Variants in PDE6A observed in about 807,000 individuals in gnomAD.
PDE6A encodes the protein rod cGMP-specific 3',5'-cyclic phosphodiesterase subunit alpha.
A neutral mutation model predicts 106.3 loss-of-function variants in PDE6A; 84 were observed. The observed-to-expected ratio is 0.79, with a 90% CI of 0.66 to 0.95. The LOEUF (loss-of-function observed/expected upper bound fraction) is 0.95, where lower values mean the gene tolerates loss of function less well. PDE6A is among the 40% of genes least tolerant of loss of function. PDE6A has a pLI of 0.00. For missense variants in PDE6A, 1,052 were observed against 1,084.9 expected (o/e 0.97, Z 0.43); for synonymous variants, 394 against 386.6 (o/e 1.02, Z -0.23).
chr5:149,914,934 G>C lies in PDE6A; in HGVS notation c.998+9C>G. On this transcript the variant is annotated intron_variant, in intron 6 of 21. Coordinates refer to ENST00000255266, the MANE Select transcript of PDE6A (RefSeq NM_000440.3). The stretch of plus-strand genomic sequence containing the variant: ...GTTGTCATTTTGTCTTTTGACAGGT[G>C]AAACTTACGGGATGACTTTGATGTC... 6.3e-7 allele frequency: 1 copy of C among 1,593,082 alleles called. No individual in the cohort carries two copies.
At chr5:149,903,753 G>T in intron 7 of PDE6A, 58 bp from the exon 8 acceptor site, 2 of 1,291,042 alleles carry the variant, frequency 1.5e-6, no homozygotes, top group Non-Finnish European at 2.3e-6. Flanking sequence ...GGTGCCCAGT[G>T]AAGCACTGTA....
Position 149,860,896 on chromosome 5 carries a change from T to C in PDE6A, c.2582A>G (p.Ter861=). The change falls in exon 22 of 22, where the codon TAA becomes TGA. Residue 861 remains the stop codon, a stop_retained_variant. Transcript: ENST00000255266. ...CCAGCCAGCACATCCCCAGTGGTGT[T>C]ACTGGATGCAGCAGGACTTGGATGT... The part of the protein sequence containing the change: ...ATTSKSCCIQ[*] 6.2e-7 allele frequency: 1 copy of C among 1,613,276 alleles called. No individual in the cohort carries two copies. Among genetic ancestry groups the C allele is most frequent in the Non-Finnish European group, 8.5e-7 (1 of 1,179,194 alleles).
intron 17 of PDE6A, among the ~76,000 whole-genome samples, chr5:149,870,861 GAGAA>G (rs1298237063): frequency 6.3e-5 from 8 of 126,922 alleles, no homozygotes; most frequent in East Asian, 6.3e-4. Context: ...AAGAAAGAAA[GAGAA>G]AGAGAAAGAA....
intron 4 of PDE6A, among the ~76,000 whole-genome samples, chr5:149,923,547 ACATAACATAACATAACATAACATAACAT>A (rs1484725000): frequency 3.0e-5 from 4 of 135,116 alleles, no homozygotes; most frequent in African/African-American, 1.3e-4. Context: ...ACATAACATA[ACATAACATAACATAACATAACATAACAT>A]AACAAACAAC....
chr5:149,939,766 T>C (rs1004044616), intron 1 of PDE6A, among the ~76,000 whole-genome samples: 1 of 152,150 alleles, frequency 6.6e-6, no homozygotes, highest in Admixed American at 6.5e-5. Context: ...CACATCCAGA[T>C]CTCACCTTAA....
rs1412232499 is a variant in PDE6A, at chr5:149,884,581, T to A, written c.1927-2A>T. 6.2e-7 allele frequency: 1 copy of A among 1,611,812 alleles called. No individual in the cohort carries two copies. Among genetic ancestry groups the A allele is most frequent in the Non-Finnish European group, 8.5e-7 (1 of 1,178,094 alleles). Reference sequence around the variant, plus strand: ...GAGGTTTTGAAAGATATTCAGGCTCTAAAGAAAAAAAGAGAAGCGAGATGG... The same window carrying A: ...GAGGTTTTGAAAGATATTCAGGCTCAAAAGAAAAAAAGAGAAGCGAGATGG... On this transcript the variant is annotated splice_acceptor_variant, in intron 15 of 21. Transcript: ENST00000255266. LOFTEE classifies it high-confidence loss of function.
intron 20 of PDE6A, among the ~76,000 whole-genome samples, chr5:149,865,239 CAAA>C (rs368494356): frequency 0.012 from 1,226 of 105,542 alleles, 17 homozygotes; most frequent in African/African-American, 0.04. Context: ...GATTCTGTCT[CAAA>C]AAAAAAAAAA....
intron 8 of PDE6A, among the ~76,000 whole-genome samples, chr5:149,901,175 C>G (rs903348527): frequency 6.6e-6 from 1 of 152,106 alleles, no homozygotes; most frequent in Non-Finnish European, 1.5e-5. Context: ...CTCGGTCTCT[C>G]AAAGTGTTGG....
intron 5 of PDE6A, among the ~76,000 whole-genome samples, chr5:149,917,888 G>C (rs1477562527): frequency 6.6e-6 from 1 of 152,150 alleles, no homozygotes; most frequent in African/African-American, 2.4e-5. Context: ...TGTCCTAATG[G>C]AATCAGGGCC....
At chr5:149,904,940 G>A (rs969267542) in intron 7 of PDE6A, among the ~76,000 whole-genome samples, 2 of 151,886 alleles carry the variant, frequency 1.3e-5, no homozygotes, top group African/African-American at 2.4e-5. Flanking sequence ...TTACCTTCTC[G>A]TTACCCATCC....
chr5:149,920,942 A>AAAGAAAGAAAG (rs1554091210), intron 5 of PDE6A, among the ~76,000 whole-genome samples: 33 of 108,350 alleles, frequency 3.0e-4, no homozygotes, highest in Middle Eastern at 4.0e-3. Flanking sequence ...GAAAGAGAGA[A>AAAGAAAGAAAG]AAAGAAAGAA....
chr5:149,932,229 G>A (rs558305726), intron 3 of PDE6A: 1 of 1,378,646 alleles, frequency 7.3e-7, no homozygotes, highest in African/African-American at 1.4e-5. Context: ...GCCATAAAGA[G>A]AATCATTTCT....
chr5:149,889,588 G>A (rs1462537242), intron 13 of PDE6A, among the ~76,000 whole-genome samples: 4 of 151,928 alleles, frequency 2.6e-5, no homozygotes, highest in Non-Finnish European at 2.9e-5. Context: ...GACTACTGGC[G>A]CATGCCACCA....
chr5:149,889,043 C>G (rs1214353471), intron 13 of PDE6A, among the ~76,000 whole-genome samples: 1 of 133,218 alleles, frequency 7.5e-6, no homozygotes, highest in Admixed American at 8.2e-5. Flanking sequence ...AGATGTGCCA[C>G]TGCACTCCAG....
At chr5:149,938,152 AG>A (rs368243425) in intron 1 of PDE6A, among the ~76,000 whole-genome samples, 4 of 152,342 alleles carry the variant, frequency 2.6e-5, no homozygotes, top group African/African-American at 9.6e-5. Context: ...CCAGATAAGG[AG>A]AAACTTGTCC....
intron 5 of PDE6A, among the ~76,000 whole-genome samples, chr5:149,917,887 G>T (rs1189163322): frequency 6.6e-6 from 1 of 152,146 alleles, no homozygotes; most frequent in Non-Finnish European, 1.5e-5. Context: ...CTGTCCTAAT[G>T]GAATCAGGGC....
chr5:149,860,952 C>CG lies in PDE6A; in HGVS notation c.2525dup (p.Asn845LysfsTer57). The CG allele has an allele frequency of 6.2e-7, 1 of 1,614,116 alleles. No individual in the cohort carries two copies. Among genetic ancestry groups the CG allele is most frequent in the South Asian group, 1.1e-5 (1 of 91,054 alleles). ...CACCCCCTGGGCTGGGGTTTCCCCC[C>CG]GGCTGATTTCCTGCGGCTGCTGCAA... On this transcript the variant is annotated frameshift_variant, in exon 22 of 22. Coordinates refer to ENST00000255266, the MANE Select transcript of PDE6A (RefSeq NM_000440.3). LOFTEE classifies it high-confidence loss of function.
rs1383907349 is a variant in PDE6A, at chr5:149,896,354, A to T, written c.1620+2T>A. On this transcript the variant is annotated splice_donor_variant, in intron 12 of 21. Coordinates refer to ENST00000255266, the MANE Select transcript of PDE6A (RefSeq NM_000440.3). LOFTEE classifies it high-confidence loss of function. ...AATCATATATATTTGTTTTGACCTC[A>T]CCTCTTGTGGAATGTGAAATTTATC... The T allele has an allele frequency of 1.2e-6, 2 of 1,611,280 alleles. No homozygotes were observed. The highest frequency in any genetic ancestry group is 1.3e-5 in the African/African-American group (1 of 74,852).
chr5:149,898,830 A>C lies in PDE6A; in HGVS notation c.1264-324T>G, dbSNP rs1000412122. ...TTGCTCAATTTTGCTAAGAACCTAA[A>C]ACTACTCTAAAAAGTAAAGTTTGTT... is the stretch of plus-strand genomic sequence containing the variant. On this transcript the variant is annotated intron_variant, in intron 9 of 21. Coordinates refer to ENST00000255266, the MANE Select transcript of PDE6A (RefSeq NM_000440.3). Among the ~76,000 whole-genome samples, 8 of 152,028 alleles carry C rather than the reference A, an allele frequency of 5.3e-5. No individual in the cohort carries two copies. In the East Asian group the frequency reaches 1.4e-3, roughly 26 times the overall value.
Sources: allele counts gnomAD v4.1 joint callset (sites outside exome capture counted in the v4.1 genomes callset), GRCh38; gene constraint gnomAD v4.1.1; transcripts MANE v1.5; gene names NCBI Gene and HGNC (gene_info 2026-07-23, HGNC 2026-07-21).